The following CCDC102B variants were observed in gnomAD, a reference collection of about 807,000 sequenced individuals.
CCDC102B encodes coiled-coil domain-containing protein 102B.
Under a neutral mutation model 57.4 loss-of-function variants are expected in CCDC102B, and 75 were observed. That is an observed-to-expected ratio of 1.31 (90% CI 1.08 to 1.58). The LOEUF is 1.58. Ranked by LOEUF, CCDC102B falls within the 40% of genes most tolerant of loss-of-function variation. The probability of loss-of-function intolerance (pLI) is 0.00; values close to 1 mark genes in which losing one functional copy is unlikely to be tolerated. For synonymous variants in CCDC102B, 206 were observed against 201.9 expected (o/e 1.02, Z -0.17); for missense variants, 636 against 582.6 (o/e 1.09, Z -0.94).
intron 6 of CCDC102B, among the ~76,000 whole-genome samples, chr18:68,929,612 G>C (rs990314838): frequency 1.3e-5 from 2 of 151,878 alleles, no homozygotes; most frequent in Admixed American, 6.6e-5. Flanking sequence ...CTGGTAGTTA[G>C]TGTGTCCAGT....
chr18:68,886,718 A>G (rs2039899070), intron 5 of CCDC102B, among the ~76,000 whole-genome samples: 1 of 152,034 alleles, frequency 6.6e-6, no homozygotes, highest in Non-Finnish European at 1.5e-5. Flanking sequence ...GGAATCCTTC[A>G]CCATATATTT....
At position 68,846,295 on chromosome 18, in the gene CCDC102B, A is replaced by G. The variant is rs1288035559; in HGVS notation, c.828-18A>G. The G allele has an allele frequency of 2.1e-6, 3 of 1,439,720 alleles. No homozygotes were observed. Among genetic ancestry groups the G allele is most frequent in the Non-Finnish European group, 2.8e-6 (3 of 1,089,628 alleles). The allele number at this position is 1,439,720 out of a possible 1,614,324, so 89.2% of individuals were successfully genotyped here. On this transcript the variant is annotated intron_variant, in intron 3 of 7. Transcript: ENST00000360242. ...AATTGAAGCCGACTTTTTTTCTTTT[A>G]ATTCTTAAATTATTTAGAATGCGCA...
intron 6 of CCDC102B, among the ~76,000 whole-genome samples, chr18:68,915,062 A>G (rs931673426): frequency 2.0e-5 from 3 of 152,180 alleles, no homozygotes; most frequent in Non-Finnish European, 1.5e-5. Context: ...ATATTTTGTT[A>G]TTGGTAATCT....
At chr18:68,754,607 A>G (rs1452515455) in intron 2 of CCDC102B, 2 of 152,130 alleles carry the variant, frequency 1.3e-5, no homozygotes, top group Non-Finnish European at 2.9e-5. Flanking sequence ...AGCCTGGGTG[A>G]CAGAGTGAGC....
intron 6 of CCDC102B, among the ~76,000 whole-genome samples, chr18:68,929,925 A>G (rs557786433): frequency 7.9e-5 from 12 of 151,954 alleles, no homozygotes; most frequent in Admixed American, 2.0e-4. Context: ...GATGAAATAT[A>G]TTAATGTAAG....
At chr18:68,818,105 T>A (rs1213821923) in intron 1 of CCDC102B, among the ~76,000 whole-genome samples, 1 of 152,174 alleles carries the variant, frequency 6.6e-6, no homozygotes, top group East Asian at 1.9e-4. Context: ...TGAGACTCAT[T>A]GAGTTTGTGC....
chr18:68,799,129 A>G (rs2035748609), intron 1 of CCDC102B, among the ~76,000 whole-genome samples: 1 of 152,060 alleles, frequency 6.6e-6, no homozygotes, highest in African/African-American at 2.4e-5. Context: ...TGTTAGTAAA[A>G]TATGTTATTG....
chr18:69,005,958 C>A (rs2051329966), intron 6 of CCDC102B, among the ~76,000 whole-genome samples: 1 of 151,850 alleles, frequency 6.6e-6, no homozygotes, highest in Admixed American at 6.6e-5. Flanking sequence ...GACAAATAAT[C>A]TTTAGTACCA....
At chr18:68,737,521 G>C (rs946575029) in intron 2 of CCDC102B, among the ~76,000 whole-genome samples, 1 of 151,714 alleles carries the variant, frequency 6.6e-6, no homozygotes, top group Non-Finnish European at 1.5e-5. Context: ...TGTGAAGGGA[G>C]GGTTGTGTGT....
At chr18:68,795,383 T>C (rs2144669788), upstream of CCDC102B, among the ~76,000 whole-genome samples, 1 of 152,316 alleles carries the variant, frequency 6.6e-6, no homozygotes, top group East Asian at 1.9e-4. Context: ...CAGAATTATA[T>C]GTCTATTAGT....
chr18:68,828,388 G>A (rs1914728732), intron 1 of CCDC102B, among the ~76,000 whole-genome samples: 1 of 138,038 alleles, frequency 7.2e-6, no homozygotes, highest in Non-Finnish European at 1.6e-5. Context: ...GGCAGAGTAT[G>A]TTCTCTTTCT....
intron 7 of CCDC102B, among the ~76,000 whole-genome samples, chr18:69,020,231 A>G (rs2051793384): frequency 6.6e-6 from 1 of 152,112 alleles, no homozygotes; most frequent in Non-Finnish European, 1.5e-5. Flanking sequence ...GCATAGGATG[A>G]GATTTAGCAT....
At position 69,054,021 on chromosome 18, in the gene CCDC102B, C is replaced by CT; in HGVS notation, c.1435-9_1435-8insT. On this transcript the variant is annotated splice_polypyrimidine_tract_variant and intron_variant, in intron 7 of 7. Transcript: ENST00000360242. ...AACCTAACTAAAGCATTTTCTACTT[C>CT]GCTTTCAGCTTGATGATTCCCTGAA... 6.3e-7 allele frequency: 1 copy of CT among 1,595,896 alleles called. No homozygotes were observed.
chr18:68,880,175 C>T (rs147334945), intron 5 of CCDC102B, among the ~76,000 whole-genome samples: 1,631 of 152,308 alleles, frequency 0.011, 35 homozygotes, highest in East Asian at 0.079. Context: ...AGAAATCGAG[C>T]GCAGCGCCGG....
intron 6 of CCDC102B, among the ~76,000 whole-genome samples, chr18:68,942,416 G>T (rs73463874): frequency 6.6e-6 from 1 of 151,958 alleles, no homozygotes; most frequent in Non-Finnish European, 1.5e-5. Flanking sequence ...GACCCACGCC[G>T]GCCCAGTCTC....
chr18:69,024,508 T>C (rs1405153216), intron 7 of CCDC102B, among the ~76,000 whole-genome samples: 6 of 152,078 alleles, frequency 3.9e-5, no homozygotes, highest in African/African-American at 7.2e-5. Context: ...ATATAAACCA[T>C]ACATAATTAG....
chr18:68,777,608 T>G lies in CCDC102B; in HGVS notation c.-66-45758T>G, dbSNP rs1009580673. Among the ~76,000 whole-genome samples, 3 of 152,190 alleles carry G rather than the reference T, an allele frequency of 2.0e-5. No individual in the cohort carries two copies. In the South Asian group the frequency reaches 6.2e-4, roughly 31 times the overall value. ...CTTGGCATGGGTTAAAGGGGGTATT[T>G]AGATCTCTATGCTTGCAGAAAAAGA... On this transcript the variant is annotated intron_variant, in intron 2 of 3. Transcript: ENST00000578970.
intron 6 of CCDC102B, among the ~76,000 whole-genome samples, chr18:69,006,396 T>TTTATTTATTG (rs1568119724): frequency 3.3e-4 from 2 of 6,010 alleles, no homozygotes; most frequent in African/African-American, 3.9e-4. Flanking sequence ...CTTTGAGATT[T>TTTATTTATTG]ATTTATTTAT....
chr18:68,901,890 G>A (rs1441575076), intron 6 of CCDC102B, among the ~76,000 whole-genome samples: 1 of 152,134 alleles, frequency 6.6e-6, no homozygotes, highest in South Asian at 2.1e-4. Context: ...AATATTTTTG[G>A]GAAGTTGATG....
Sources: allele counts gnomAD v4.1 joint callset (sites outside exome capture counted in the v4.1 genomes callset), GRCh38; gene constraint gnomAD v4.1.1; transcripts MANE v1.5; gene names NCBI Gene and HGNC (gene_info 2026-07-23, HGNC 2026-07-21).